POLR3B: variants seen among roughly 807,000 people sequenced by gnomAD.
POLR3B encodes RNA polymerase III subunit B, also known as DNA-directed RNA polymerase III subunit RPC2.
A neutral mutation model predicts 147.4 loss-of-function variants in POLR3B; 96 were observed. The observed-to-expected ratio is 0.65, with a 90% CI of 0.55 to 0.77. POLR3B has a LOEUF of 0.77. POLR3B is among the 30% of genes least tolerant of loss of function. The probability of loss-of-function intolerance (pLI) is 0.00; values close to 1 mark genes in which losing one functional copy is unlikely to be tolerated. For missense variants in POLR3B, 1,036 were observed against 1,413.5 expected, an observed-to-expected ratio of 0.73 and a Z score of 4.28; for synonymous variants, 461 against 485.9, an observed-to-expected ratio of 0.95 and a Z score of 0.67.
At chr12:106,438,621 A>G (rs1010115369) in intron 18 of POLR3B, among the ~76,000 whole-genome samples, 1 of 152,138 alleles carries the variant, frequency 6.6e-6, no homozygotes, top group Non-Finnish European at 1.5e-5. Context: ...CAGTCTCCTG[A>G]GTAGTTGGGA....
At chr12:106,367,971 G>T (rs2036555322) in intron 4 of POLR3B, among the ~76,000 whole-genome samples, 1 of 152,038 alleles carries the variant, frequency 6.6e-6, no homozygotes, top group Non-Finnish European at 1.5e-5. Context: ...GTACAGAATA[G>T]TTTCCTTTTC....
intron 23 of POLR3B, among the ~76,000 whole-genome samples, chr12:106,469,213 T>G (rs1209189237): frequency 6.6e-6 from 1 of 152,098 alleles, no homozygotes; most frequent in African/African-American, 2.4e-5. Context: ...CTTAGTCTCT[T>G]TTGATTTTTG....
At chr12:106,434,430 A>G (rs1361429174) in intron 16 of POLR3B, among the ~76,000 whole-genome samples, 2 of 152,134 alleles carry the variant, frequency 1.3e-5, no homozygotes, top group Admixed American at 6.6e-5. Flanking sequence ...GGGAGGAGAA[A>G]GGCTGAAAAA....
At chr12:106,456,506 T>G (rs1451370915) in intron 20 of POLR3B, among the ~76,000 whole-genome samples, 2 of 152,218 alleles carry the variant, frequency 1.3e-5, no homozygotes, top group Non-Finnish European at 2.9e-5. Context: ...TATTTCTTTT[T>G]TCATTCTGTC....
rs1251258091 is a variant in POLR3B, at chr12:106,373,400, A to G, written c.405-2959A>G. Reference sequence around the variant, plus strand: ...TATTTTGTCTGCTCTTAGCATAGCTACATTTGCTTTCTTTTGGTTATATTT... The same window carrying G: ...TATTTTGTCTGCTCTTAGCATAGCTGCATTTGCTTTCTTTTGGTTATATTT... On this transcript the variant is annotated intron_variant, in intron 6 of 27. Coordinates refer to ENST00000228347, the MANE Select transcript of POLR3B (RefSeq NM_018082.6). Among the ~76,000 whole-genome samples, 3 of 152,248 alleles carry G rather than the reference A, an allele frequency of 2.0e-5. No individual in the cohort carries two copies. The East Asian group carries it at 5.8e-4, about 29-fold the overall frequency.
chr12:106,390,262 C>CTT (rs1216929524), intron 9 of POLR3B, among the ~76,000 whole-genome samples: 23 of 96,284 alleles, frequency 2.4e-4, no homozygotes, highest in African/African-American at 9.3e-4. Flanking sequence ...CAGAAAAACT[C>CTT]TCTCCCCCCC....
In POLR3B at chr12:106,410,958, C is replaced by G; in HGVS notation, c.1099C>G (p.Gln367Glu). 1 of 1,611,212 alleles carries G rather than the reference C, an allele frequency of 6.2e-7. No individual in the cohort carries two copies. Among genetic ancestry groups the G allele is most frequent in the Non-Finnish European group, 8.5e-7 (1 of 1,177,658 alleles). ...TAACAAGCGACTGGAATTGGCAGGA[C>G]AGGTGATTTAATATTTTATGTCAGA... ...YGNKRLELAG[Q>E]LLSLLFEDLF... Residue 367 changes from glutamine to glutamate, a missense_variant and splice_region_variant, in exon 12 of 28, where the codon CAG (glutamine) becomes GAG (glutamate). Coordinates refer to ENST00000228347, the MANE Select transcript of POLR3B (RefSeq NM_018082.6).
At chr12:106,483,366 T>TA (rs1475674251) in intron 23 of POLR3B, among the ~76,000 whole-genome samples, 2 of 152,182 alleles carry the variant, frequency 1.3e-5, no homozygotes, top group Non-Finnish European at 2.9e-5. Flanking sequence ...ATTTTTAAGT[T>TA]ACTGTTGTGG....
At chr12:106,439,609 A>C (rs1293787513) in intron 18 of POLR3B, among the ~76,000 whole-genome samples, 2 of 152,006 alleles carry the variant, frequency 1.3e-5, no homozygotes, top group African/African-American at 4.8e-5. Context: ...ATGCCACTGC[A>C]CTCCAGCCTG....
At chr12:106,499,560 T>C (rs2038561266) in intron 25 of POLR3B, among the ~76,000 whole-genome samples, 1 of 152,220 alleles carries the variant, frequency 6.6e-6, no homozygotes, top group Non-Finnish European at 1.5e-5. Flanking sequence ...ATAGCTTTAC[T>C]CTGTGGATGA....
At chr12:106,507,824 A>G (rs2038713740) in intron 27 of POLR3B, 1 of 455,782 alleles carries the variant, frequency 2.2e-6, no homozygotes, top group Non-Finnish European at 4.4e-6. Context: ...AAATAATACA[A>G]GCTTTATTTT....
rs374259169 is a variant in POLR3B at position 106,366,498 on chromosome 12, C to G, written c.106-18C>G. 1 of 1,582,736 alleles carries G rather than the reference C, an allele frequency of 6.3e-7. No homozygotes were observed. Among genetic ancestry groups the G allele is most frequent in the South Asian group, 1.1e-5 (1 of 90,296 alleles). On this transcript the variant is annotated intron_variant, in intron 2 of 27. Coordinates refer to ENST00000228347, the MANE Select transcript of POLR3B (RefSeq NM_018082.6). Reference sequence around the variant, plus strand: ...GCACTTTTGCTAACCTGTTTACTTTCTCTTTCTATCTGTTTAGGTGAAAGG... The same window carrying G: ...GCACTTTTGCTAACCTGTTTACTTTGTCTTTCTATCTGTTTAGGTGAAAGG...
In POLR3B at chr12:106,467,470, C is replaced by T. The variant is rs148394328; in HGVS notation, c.2713+3850C>T. Reference sequence around the variant, plus strand: ...GGGTTCTCTTGCCTGATTGCCCTGGCCAGAACTTCCAACACTATGTTGAAT... The same window carrying T: ...GGGTTCTCTTGCCTGATTGCCCTGGTCAGAACTTCCAACACTATGTTGAAT... On this transcript the variant is annotated intron_variant, in intron 23 of 27. Coordinates refer to ENST00000228347, the MANE Select transcript of POLR3B (RefSeq NM_018082.6). Among the ~76,000 whole-genome samples, 4 of 152,264 alleles carry T rather than the reference C, an allele frequency of 2.6e-5. No individual in the cohort carries two copies. In the East Asian group the frequency reaches 7.7e-4, roughly 29 times the overall value.
rs1249625070 is a variant in POLR3B, at chr12:106,477,067, TGTTA to T, written c.2713+13451_2713+13454del. On this transcript the variant is annotated intron_variant, in intron 23 of 27. Coordinates refer to ENST00000228347, the MANE Select transcript of POLR3B (RefSeq NM_018082.6). ...TTTTGGTGTGGATGTCCTTTCTGTT[TGTTA>T]GTTTTCCTTCTAACAGACAGGACCC... 1.0e-3 allele frequency among the ~76,000 whole-genome samples: 149 copies of T among 146,926 alleles called. No homozygotes were observed. In the South Asian group the frequency reaches 0.032, roughly 32 times the overall value.
intron 10 of POLR3B, among the ~76,000 whole-genome samples, chr12:106,404,407 G>A (rs903530289): frequency 2.6e-5 from 4 of 152,030 alleles, no homozygotes; most frequent in Non-Finnish European, 4.4e-5. Flanking sequence ...AGAAAGTTCA[G>A]GTTGCTTCAT....
At chr12:106,485,986 T>C (rs1212697425) in intron 23 of POLR3B, among the ~76,000 whole-genome samples, 1 of 152,168 alleles carries the variant, frequency 6.6e-6, no homozygotes, top group East Asian at 1.9e-4. Flanking sequence ...TTGTTATTCC[T>C]ACTATAAAGA....
chr12:106,395,971 T>C (rs1379479245), intron 10 of POLR3B, among the ~76,000 whole-genome samples: 1 of 152,120 alleles, frequency 6.6e-6, no homozygotes, highest in African/African-American at 2.4e-5. Flanking sequence ...CTCCGTTTTT[T>C]ATGCCTCGCT....
chr12:106,503,912 C>T (rs1471007731), intron 26 of POLR3B, among the ~76,000 whole-genome samples, 169 bp from the exon 27 acceptor site: 1 of 152,200 alleles, frequency 6.6e-6, no homozygotes, highest in Non-Finnish European at 1.5e-5. Flanking sequence ...TGTGCTTATG[C>T]ACTTTTACAA....
intron 1 of POLR3B, 84 bp downstream of exon 1, chr12:106,358,035 G>T (rs2036412425): frequency 1.9e-6 from 3 of 1,569,872 alleles, no homozygotes; most frequent in South Asian, 1.1e-5. Context: ...CCGCCAAGGG[G>T]GCGGGCTGGC....
Sources: gnomAD v4.1 joint callset for allele counts (sites outside exome capture counted in the v4.1 genomes callset) on GRCh38, gnomAD v4.1.1 for gene constraint, MANE v1.5 for transcripts, NCBI Gene and HGNC (gene_info 2026-07-23, HGNC 2026-07-21) for gene names.